The following CCSER1 variants were observed in gnomAD, a reference collection of about 807,000 sequenced individuals.
CCSER1 encodes the protein coiled-coil serine rich protein 1.
Under a neutral mutation model 82.0 loss-of-function variants are expected in CCSER1, and 41 were observed. That is an observed-to-expected ratio of 0.50 (90% confidence interval 0.39 to 0.65). The LOEUF is 0.65. Among genes scored for constraint, CCSER1 ranks in the 30% least tolerant of loss-of-function variants. The pLI is 0.00. For missense variants in CCSER1, 1,119 were observed against 1,064.2 expected (o/e 1.05, Z -0.72); for synonymous variants, 414 against 383.9 (o/e 1.08, Z -0.92).
At chr4:90,244,033 G>T (rs1720946156) in intron 1 of CCSER1, among the ~76,000 whole-genome samples, 2 of 151,998 alleles carry the variant, frequency 1.3e-5, no homozygotes, top group African/African-American at 4.8e-5. Flanking sequence ...TTTGTTTTCT[G>T]TTATCTCATT....
chr4:90,991,986 C>G (rs1389137263), intron 9 of CCSER1, among the ~76,000 whole-genome samples: 2 of 152,006 alleles, frequency 1.3e-5, no homozygotes, highest in South Asian at 2.1e-4. Context: ...TTACTTGTTA[C>G]TTTTATTGCA....
chr4:91,557,498 CATAA>C (rs1560761627), intron 10 of CCSER1, among the ~76,000 whole-genome samples: 3 of 151,258 alleles, frequency 2.0e-5, no homozygotes, highest in South Asian at 2.1e-4. Context: ...AGAATTGATA[CATAA>C]ATAAATAAAC....
At chr4:91,103,870 C>T (rs1289453282) in intron 10 of CCSER1, among the ~76,000 whole-genome samples, 1 of 152,042 alleles carries the variant, frequency 6.6e-6, no homozygotes, top group African/African-American at 2.4e-5. Context: ...CAAAAAGAGC[C>T]ATATTTTTCT....
Position 90,908,101 on chromosome 4 carries a change from A to C in CCSER1, c.2095-15269A>C, listed in dbSNP as rs79323991. 1.3e-3 allele frequency among the ~76,000 whole-genome samples: 203 copies of C among 152,282 alleles called. 1 individual carries two copies. Among genetic ancestry groups the C allele is most frequent in the Non-Finnish European group, 1.9e-3 (130 of 68,012 alleles). ...CATGGTCCCTGCTCTAAGGAACTTA[A>C]ATACTAGTGCAGAAGGCAGACCAAA... On this transcript the variant is annotated intron_variant, in intron 8 of 10. Transcript: ENST00000509176.
At chr4:90,611,310 C>T (rs9884326) in intron 5 of CCSER1, among the ~76,000 whole-genome samples, 72,874 of 151,730 alleles carry the variant, frequency 0.48, 20,800 homozygotes, top group African/African-American at 0.8. Flanking sequence ...GTTGCAAACA[C>T]TTTATTCTAC....
intron 10 of CCSER1, among the ~76,000 whole-genome samples, chr4:91,463,970 C>G (rs1057338079): frequency 2.0e-5 from 3 of 152,148 alleles, no homozygotes; most frequent in Non-Finnish European, 2.9e-5. Context: ...CCTAGCAAGG[C>G]AGGCCAACAT....
At chr4:91,501,624 A>G (rs1759217095) in intron 10 of CCSER1, among the ~76,000 whole-genome samples, 1 of 152,000 alleles carries the variant, frequency 6.6e-6, no homozygotes, top group South Asian at 2.1e-4. Context: ...GTAGTTTCAC[A>G]TACTTATCTG....
rs549425490 is a variant in CCSER1 at position 91,048,054 on chromosome 4, A to G, written c.2173-37896A>G. Among the ~76,000 whole-genome samples the G allele has an allele frequency of 1.1e-4, 16 of 152,022 alleles. 1 individual carries two copies. The highest frequency in any genetic ancestry group is 2.2e-4 in the Non-Finnish European group (15 of 67,938). ...CAAGTAAAAATTCTATTATTCACTC[A>G]CCCCAACTGAAAAATCACTCATATA... On this transcript the variant is annotated intron_variant, in intron 9 of 10. Transcript: ENST00000509176.
chr4:91,458,886 C>T (rs540176166), intron 10 of CCSER1, among the ~76,000 whole-genome samples: 26 of 152,206 alleles, frequency 1.7e-4, no homozygotes, highest in African/African-American at 4.8e-4. Context: ...AGATTTTTCT[C>T]ACAGTGATAG....
intron 8 of CCSER1, among the ~76,000 whole-genome samples, chr4:90,860,076 C>T (rs999781385): frequency 1.3e-5 from 2 of 151,700 alleles, no homozygotes; most frequent in Non-Finnish European, 1.5e-5. Context: ...ACAACCAATA[C>T]AATGAAACTG....
chr4:90,826,026 C>T (rs78108900), intron 8 of CCSER1, among the ~76,000 whole-genome samples: 25,041 of 151,902 alleles, frequency 0.16, 2,579 homozygotes, highest in South Asian at 0.26. Context: ...TGAATAGGAA[C>T]AAGGAAACAA....
chr4:91,553,369 A>G (rs1762250014), intron 10 of CCSER1, among the ~76,000 whole-genome samples: 1 of 151,326 alleles, frequency 6.6e-6, no homozygotes, highest in African/African-American at 2.4e-5. Context: ...TATTCTTACA[A>G]TGTTCTTGTC....
chr4:90,322,890 T>TG (rs1419050241), intron 3 of CCSER1, among the ~76,000 whole-genome samples: 1 of 152,146 alleles, frequency 6.6e-6, no homozygotes, highest in Non-Finnish European at 1.5e-5. Context: ...AGTGCAGTAC[T>TG]GGGTCTTACC....
chr4:91,435,934 G>A (rs1754622209), intron 10 of CCSER1, among the ~76,000 whole-genome samples: 1 of 152,198 alleles, frequency 6.6e-6, no homozygotes, highest in Admixed American at 6.5e-5. Context: ...ATAAGTAACT[G>A]ACATAAACAT....
intron 10 of CCSER1, among the ~76,000 whole-genome samples, chr4:91,111,554 C>G (rs566474934): frequency 1.3e-5 from 2 of 151,548 alleles, no homozygotes; most frequent in African/African-American, 4.9e-5. Context: ...TTCATAATTT[C>G]TGCTAACATA....
Position 91,319,635 on chromosome 4 carries a change from A to G in CCSER1, c.2217+233641A>G, listed in dbSNP as rs1213060423. 8.8e-6 allele frequency: 4 copies of G among 455,306 alleles called. No individual in the cohort carries two copies. The Admixed American group carries it at 9.4e-5, about 11-fold the overall frequency. The allele number at this position is 455,306 out of a possible 1,614,324, so 28.2% of individuals were successfully genotyped here. On this transcript the variant is annotated intron_variant, in intron 10 of 10. Transcript: ENST00000509176. ...TTGCAGTTTTTGACATATTAAAAATATTAACCTACCTAATACAAAACCCAG... is the reference window on the plus strand; with the variant it reads ...TTGCAGTTTTTGACATATTAAAAATGTTAACCTACCTAATACAAAACCCAG...
Position 91,187,549 on chromosome 4 carries a change from T to TC in CCSER1, c.2217+101555_2217+101556insC, listed in dbSNP as rs200746134. ...ATGTAGAAATCAATAAATTTGTTTT[T>TC]TTTTTAATTTTTTATTTTTGAGACG... On this transcript the variant is annotated intron_variant, in intron 10 of 10. Transcript: ENST00000509176. Among the ~76,000 whole-genome samples the TC allele has an allele frequency of 4.9e-3, 740 of 152,010 alleles. 5 individuals are homozygous for TC. The highest frequency in any genetic ancestry group is 0.017 in the African/African-American group (697 of 41,464).
At chr4:91,152,350 T>A (rs1309179038) in intron 10 of CCSER1, among the ~76,000 whole-genome samples, 1 of 152,220 alleles carries the variant, frequency 6.6e-6, no homozygotes. Flanking sequence ...CATCCCCTTA[T>A]TTTGAGCCTA....
chr4:91,519,355 A>G (rs535144258), intron 10 of CCSER1, among the ~76,000 whole-genome samples: 2 of 152,284 alleles, frequency 1.3e-5, no homozygotes, highest in South Asian at 2.1e-4. Context: ...CCAGTCCGGG[A>G]GGTACAGAGC....
Sources: gnomAD v4.1 joint callset for allele counts (sites outside exome capture counted in the v4.1 genomes callset) on GRCh38, gnomAD v4.1.1 for gene constraint, MANE v1.5 for transcripts, NCBI Gene and HGNC (gene_info 2026-07-23, HGNC 2026-07-21) for gene names.